Variants in DPYSL2 observed in about 807,000 individuals in gnomAD.
DPYSL2 encodes dihydropyrimidinase like 2.
In DPYSL2, 13 loss-of-function variants were observed where a neutral mutation model predicts 69.9. The ratio of observed to expected loss-of-function variants is 0.19; its 90% confidence interval spans 0.12 to 0.30. DPYSL2 has a LOEUF of 0.30. Ranked by LOEUF, DPYSL2 falls within the 10% of genes least tolerant of loss-of-function variation. The probability of loss-of-function intolerance (pLI) is 1.00; values close to 1 mark genes in which losing one functional copy is unlikely to be tolerated. For missense variants in DPYSL2, 587 were observed against 918.9 expected, an observed-to-expected ratio of 0.64 and a Z score of 4.67; for synonymous variants, 326 against 359.1, an observed-to-expected ratio of 0.91 and a Z score of 1.04.
At chr8:26,549,017 C>A (rs549753193) in intron 1 of DPYSL2, among the ~76,000 whole-genome samples, 1 of 151,994 alleles carries the variant, frequency 6.6e-6, no homozygotes, top group East Asian at 1.9e-4. Flanking sequence ...GGGGAAGCCC[C>A]GTCCCTACTA....
chr8:26,520,977 G>A (rs552497677), intron 1 of DPYSL2, among the ~76,000 whole-genome samples: 17 of 152,168 alleles, frequency 1.1e-4, no homozygotes, highest in East Asian at 3.9e-4. Flanking sequence ...ATGTTCGTCC[G>A]AAAGGCCCTA....
At position 26,617,597 on chromosome 8, in the gene DPYSL2, ATTTAC is replaced by A. The variant is rs1802384173; in HGVS notation, c.629-6542_629-6538del. ...TCTTTGAAGTTTTAGGGAGCAGCTT[ATTTAC>A]TTTGTGTCTCACACTTTGCTAATAT... On this transcript the variant is annotated intron_variant, in intron 3 of 13. Transcript: ENST00000521913. This position sits in a 1 kb window ranked among gnomAD's most constrained non-coding sequence, Gnocchi z 4.7. 2.0e-5 allele frequency among the ~76,000 whole-genome samples: 3 copies of A among 152,202 alleles called. No homozygotes were observed. Among genetic ancestry groups the A allele is most frequent in the Admixed American group, 6.5e-5 (1 of 15,278 alleles).
At chr8:26,629,993 A>T (rs938565351) in intron 7 of DPYSL2, among the ~76,000 whole-genome samples, 9 of 151,918 alleles carry the variant, frequency 5.9e-5, no homozygotes, top group Non-Finnish European at 1.3e-4. Context: ...ACATACACAC[A>T]CGTCCATAGG....
rs750033183 is a variant in DPYSL2, at chr8:26,516,829, C to T, written c.354+2150C>T. Among the ~76,000 whole-genome samples, 6 of 152,126 alleles carry T rather than the reference C, an allele frequency of 3.9e-5. No homozygotes were observed. The highest frequency in any genetic ancestry group is 6.6e-5 in the Admixed American group (1 of 15,266). On this transcript the variant is annotated intron_variant, in intron 1 of 13. Coordinates refer to ENST00000521913, the MANE Select transcript of DPYSL2 (RefSeq NM_001197293.3). The surrounding 1 kb of genome is among the most constrained non-coding windows in gnomAD (Gnocchi z 4.8). ...CTACTCAATGAGATTTTGTCATTCACGACTAAGAGCATTTACCTGGATCAG... is the reference window on the plus strand; with the variant it reads ...CTACTCAATGAGATTTTGTCATTCATGACTAAGAGCATTTACCTGGATCAG...
At chr8:26,528,019 G>A (rs958014796) in intron 1 of DPYSL2, among the ~76,000 whole-genome samples, 2 of 152,064 alleles carry the variant, frequency 1.3e-5, no homozygotes, top group Non-Finnish European at 2.9e-5. Context: ...GGCCAGCCTT[G>A]TATTGAACTC....
chr8:26,520,350 G>A (rs540540444), intron 1 of DPYSL2, among the ~76,000 whole-genome samples: 2 of 152,098 alleles, frequency 1.3e-5, no homozygotes, highest in African/African-American at 4.8e-5. Flanking sequence ...CCTGAACCCC[G>A]GGGATATGTG....
rs1801519081 is a variant in DPYSL2 at position 26,582,829 on chromosome 8, A to C, written c.443+772A>C. ...GCAGCATTCATCAAGGGATAGCTGT[A>C]AACCGGTCCAGAGGAGTGGAAAACT... On this transcript the variant is annotated intron_variant, in intron 2 of 13. Transcript: ENST00000521913. This position sits in a 1 kb window ranked among gnomAD's most constrained non-coding sequence, Gnocchi z 4.1. Among the ~76,000 whole-genome samples, 1 of 152,244 alleles carries C rather than the reference A, an allele frequency of 6.6e-6. No homozygotes were observed. Among genetic ancestry groups the C allele is most frequent in the Non-Finnish European group, 1.5e-5 (1 of 68,050 alleles).
intron 8 of DPYSL2, among the ~76,000 whole-genome samples, chr8:26,635,597 C>T (rs1005005219): frequency 2.0e-5 from 3 of 152,152 alleles, no homozygotes; most frequent in African/African-American, 7.2e-5. Flanking sequence ...GAGTTCTCTC[C>T]TCGTACAGAA....
intron 3 of DPYSL2, among the ~76,000 whole-genome samples, chr8:26,622,018 G>C (rs923589328): frequency 6.6e-6 from 1 of 152,124 alleles, no homozygotes; most frequent in South Asian, 2.1e-4. Context: ...GGAGTGGGTA[G>C]GGAGATTCTG....
At chr8:26,604,192 G>A (rs1802057155) in intron 3 of DPYSL2, among the ~76,000 whole-genome samples, 1 of 152,200 alleles carries the variant, frequency 6.6e-6, no homozygotes, top group African/African-American at 2.4e-5. Context: ...ACCCTTTAAA[G>A]CAAAAGGACT....
chr8:26,539,810 C>T (rs777180028), intron 1 of DPYSL2, among the ~76,000 whole-genome samples: 5 of 152,144 alleles, frequency 3.3e-5, no homozygotes, highest in Non-Finnish European at 7.3e-5. Flanking sequence ...AGAGTAGGAT[C>T]GCTACACTCC....
rs553570724 is a variant in DPYSL2, at chr8:26,549,908, T to TA, written c.355-32051dup. ...TCACTGGTGACATTGCAAGAAATGT[T>TA]AAAAAAAAAATCTTCAGAGAGAAGG... On this transcript the variant is annotated intron_variant, in intron 1 of 13. Coordinates refer to ENST00000521913, the MANE Select transcript of DPYSL2 (RefSeq NM_001197293.3). 2.4e-3 allele frequency among the ~76,000 whole-genome samples: 351 copies of TA among 149,302 alleles called. 2 individuals carry two copies. The highest frequency in any genetic ancestry group is 7.5e-3 in the African/African-American group (306 of 40,768).
intron 1 of DPYSL2, among the ~76,000 whole-genome samples, chr8:26,540,938 C>A (rs1292299156): frequency 6.6e-6 from 1 of 150,802 alleles, no homozygotes. Flanking sequence ...TATTTAATAC[C>A]CAATAAAGCC....
chr8:26,651,400 C>G (rs183512866), intron 11 of DPYSL2, among the ~76,000 whole-genome samples: 2 of 152,308 alleles, frequency 1.3e-5, no homozygotes, highest in East Asian at 3.9e-4. Context: ...TTCCCAGAAG[C>G]CCAGGGTGCT....
chr8:26,626,314 T>C lies in DPYSL2; in HGVS notation c.794-303T>C, dbSNP rs537322382. ...GCTATGAACATGGATGTGCAAACACTGGCAACTTTTAATTTTGATATACTT... is the reference window on the plus strand; with the variant it reads ...GCTATGAACATGGATGTGCAAACACCGGCAACTTTTAATTTTGATATACTT... On this transcript the variant is annotated intron_variant, in intron 4 of 13. Transcript: ENST00000521913. This position sits in a 1 kb window ranked among gnomAD's most constrained non-coding sequence, Gnocchi z 4.3. Among the ~76,000 whole-genome samples the C allele has an allele frequency of 6.6e-6, 1 of 152,360 alleles. No individual in the cohort carries two copies. Among genetic ancestry groups the C allele is most frequent in the South Asian group, 2.1e-4 (1 of 4,820 alleles).
In DPYSL2 at chr8:26,573,610, G is replaced by A. The variant is rs542247079; in HGVS notation, c.355-8359G>A. Among the ~76,000 whole-genome samples the A allele has an allele frequency of 1.9e-3, 278 of 148,304 alleles. 1 individual carries two copies. Among genetic ancestry groups the A allele is most frequent in the African/African-American group, 6.5e-3 (261 of 40,096 alleles). ...ATGAACCCAGAAGGCGGAGCTTGCA[G>A]TGAGCCGAGATTGCGCCACTGCACT... On this transcript the variant is annotated intron_variant, in intron 1 of 13. Coordinates refer to ENST00000521913, the MANE Select transcript of DPYSL2 (RefSeq NM_001197293.3).
intron 1 of DPYSL2, among the ~76,000 whole-genome samples, chr8:26,532,677 T>C (rs1332386426): frequency 6.6e-6 from 1 of 152,208 alleles, no homozygotes; most frequent in African/African-American, 2.4e-5. Flanking sequence ...TCCAGTTTCA[T>C]TGGTGTTATA....
chr8:26,549,908 T>G (rs1401478143), intron 1 of DPYSL2, among the ~76,000 whole-genome samples: 3 of 149,210 alleles, frequency 2.0e-5, no homozygotes, highest in Non-Finnish European at 3.0e-5. Flanking sequence ...CAAGAAATGT[T>G]AAAAAAAAAA....
rs376113686 is a variant in DPYSL2, at chr8:26,644,097, G to C, written c.1425+6G>C. 3 of 1,613,810 alleles carry C rather than the reference G, an allele frequency of 1.9e-6. No individual in the cohort carries two copies. The African/African-American group carries it at 4.0e-5, about 22-fold the overall frequency. ...TCATCTGGGACAAGGCTGTGGTAAGGAGCGATGGCCTCACTCCTTGGTGGC... is the reference window on the plus strand; with the variant it reads ...TCATCTGGGACAAGGCTGTGGTAAGCAGCGATGGCCTCACTCCTTGGTGGC... On this transcript the variant is annotated splice_donor_region_variant and intron_variant, in intron 10 of 13. Coordinates refer to ENST00000521913, the MANE Select transcript of DPYSL2 (RefSeq NM_001197293.3). The surrounding 1 kb of genome is among the most constrained non-coding windows in gnomAD (Gnocchi z 4.5).
Sources: allele counts gnomAD v4.1 joint callset (sites outside exome capture counted in the v4.1 genomes callset), GRCh38; gene constraint gnomAD v4.1.1; non-coding constraint Gnocchi (gnomAD v3.1); transcripts MANE v1.5; gene names NCBI Gene and HGNC (gene_info 2026-07-23, HGNC 2026-07-21).